FHIP1A: variants seen among roughly 807,000 people sequenced by gnomAD.
FHIP1A encodes FHF complex subunit HOOK interacting protein 1A, also known as FHF complex subunit HOOK-interacting protein 1A.
Under a neutral mutation model 88.6 loss-of-function variants are expected in FHIP1A, and 61 were observed. That is an observed-to-expected ratio of 0.69 (90% confidence interval 0.56 to 0.85). The LOEUF (loss-of-function observed/expected upper bound fraction) is 0.85, where lower values mean the gene tolerates loss of function less well. FHIP1A is among the 40% of genes least tolerant of loss of function. FHIP1A has a pLI of 0.00. For synonymous variants in FHIP1A, 478 were observed against 496.0 expected, an observed-to-expected ratio of 0.96 and a Z score of 0.48; for missense variants, 1,154 against 1,273.5, an observed-to-expected ratio of 0.91 and a Z score of 1.43.
At chr4:151,436,657 T>C (rs1362420462) in intron 1 of FHIP1A, 1 of 152,190 alleles carries the variant, frequency 6.6e-6, no homozygotes, top group African/African-American at 2.4e-5. Context: ...TTGTCTCAAA[T>C]CACCCTCTCA....
At position 151,544,686 on chromosome 4, in the gene FHIP1A, G is replaced by A. The variant is rs142577580; in HGVS notation, c.-122-21452G>A. ...TAGGTGGTAGTTGCAGTGTCTGGCT[G>A]TGTGGCCTTTCCCCTCTTCTGCCAT... On this transcript the variant is annotated intron_variant, in intron 3 of 13. Transcript: ENST00000435205. Among the ~76,000 whole-genome samples, 400 of 152,254 alleles carry A rather than the reference G, an allele frequency of 2.6e-3. 3 individuals are homozygous for A. Among genetic ancestry groups the A allele is most frequent in the South Asian group, 3.1e-3 (15 of 4,822 alleles).
intron 7 of FHIP1A, among the ~76,000 whole-genome samples, chr4:151,623,123 A>G (rs1560805277): frequency 6.6e-6 from 1 of 152,228 alleles, no homozygotes; most frequent in African/African-American, 2.4e-5. Flanking sequence ...GCATCGGCCC[A>G]TTGGACATAG....
chr4:151,436,802 C>T (rs1728221086), intron 1 of FHIP1A, among the ~76,000 whole-genome samples: 1 of 152,000 alleles, frequency 6.6e-6, no homozygotes, highest in South Asian at 2.1e-4. Context: ...TTCTAACATC[C>T]AGTAGAAATA....
At chr4:151,599,281 C>T (rs1177472769) in intron 7 of FHIP1A, among the ~76,000 whole-genome samples, 3 of 152,166 alleles carry the variant, frequency 2.0e-5, no homozygotes, top group African/African-American at 7.2e-5. Flanking sequence ...CCTTATTCAA[C>T]AAGAGCTAGT....
chr4:151,641,890 G>C (rs1458370003), intron 9 of FHIP1A, among the ~76,000 whole-genome samples: 2 of 152,188 alleles, frequency 1.3e-5, no homozygotes. Context: ...TTGCAGATCT[G>C]AGAGGCAGTA....
At position 151,656,784 on chromosome 4, in the gene FHIP1A, A is replaced by G; in HGVS notation, c.2755A>G (p.Ile919Val). Residue 919 changes from isoleucine (I) to valine (V), a missense_variant, in exon 13 of 14, where the codon ATT becomes GTT. Physicochemically the swap from Ile to Val is conservative, Grantham distance 29 (BLOSUM62 3). Transcript: ENST00000435205. The surrounding 1 kb of genome is among the most constrained non-coding windows in gnomAD (Gnocchi z 4.2). ...GGTCCTTGCATCTGTGAAAAACAAG[A>G]TTGAACAGTTTGCTTCTGTGGAGAG... Reference protein sequence around the residue: ...YQVLASVKNKIEQFASVERDF... With the variant: ...YQVLASVKNKVEQFASVERDF... 1 of 1,551,624 alleles carries G rather than the reference A, an allele frequency of 6.4e-7. No individual in the cohort carries two copies. Among genetic ancestry groups the G allele is most frequent in the Non-Finnish European group, 8.7e-7 (1 of 1,146,954 alleles).
intron 3 of FHIP1A, among the ~76,000 whole-genome samples, chr4:151,564,015 A>AAAC (rs1329530330): frequency 6.6e-6 from 1 of 151,900 alleles, no homozygotes; most frequent in African/African-American, 2.4e-5. Context: ...AACAACCAAC[A>AAAC]AACAACAACA....
chr4:151,422,144 C>G (rs1013382532), intron 1 of FHIP1A, among the ~76,000 whole-genome samples: 1 of 150,942 alleles, frequency 6.6e-6, no homozygotes, highest in Non-Finnish European at 1.5e-5. Flanking sequence ...GTAATAAGAT[C>G]CTCAAGTAAA....
At position 151,513,097 on chromosome 4, in the gene FHIP1A, G is replaced by A. The variant is rs549038424; in HGVS notation, c.-123+30449G>A. On this transcript the variant is annotated intron_variant, in intron 3 of 13. Coordinates refer to ENST00000435205, the MANE Select transcript of FHIP1A (RefSeq NM_001109977.3). Reference sequence around the variant, plus strand: ...AAGGGAAGCCCATCAGACTAACAGCGGATCTCTCGGCAGAAACTCTACAAG... The same window carrying A: ...AAGGGAAGCCCATCAGACTAACAGCAGATCTCTCGGCAGAAACTCTACAAG... Among the ~76,000 whole-genome samples the A allele has an allele frequency of 3.4e-3, 524 of 152,074 alleles. 3 individuals carry two copies. The highest frequency in any genetic ancestry group is 0.012 in the African/African-American group (496 of 41,494).
intron 3 of FHIP1A, among the ~76,000 whole-genome samples, chr4:151,508,699 G>T (rs1730918154): frequency 6.6e-6 from 1 of 152,142 alleles, no homozygotes; most frequent in South Asian, 2.1e-4. Context: ...ACCAAAAATA[G>T]GTGACTTGGA....
chr4:151,614,396 G>A lies in FHIP1A; in HGVS notation c.979-15306G>A, dbSNP rs548116414. Among the ~76,000 whole-genome samples the A allele has an allele frequency of 2.3e-4, 34 of 150,864 alleles. 2 individuals carry two copies. The South Asian group carries it at 7.1e-3, about 32-fold the overall frequency. ...ACGTGAGAGATTTGCTTGACCCTGG[G>A]ACCTCGAGGCTACAGTAAGCGGTGA... is the stretch of plus-strand genomic sequence containing the variant. On this transcript the variant is annotated intron_variant, in intron 7 of 13. Coordinates refer to ENST00000435205, the MANE Select transcript of FHIP1A (RefSeq NM_001109977.3).
intron 1 of FHIP1A, among the ~76,000 whole-genome samples, chr4:151,433,343 T>G (rs1733665872): frequency 6.7e-6 from 1 of 149,922 alleles, no homozygotes; most frequent in African/African-American, 2.5e-5. Context: ...CCTGTGGAGG[T>G]AGGAATAGTA....
At chr4:151,524,525 G>T (rs894916935) in intron 3 of FHIP1A, among the ~76,000 whole-genome samples, 2 of 152,158 alleles carry the variant, frequency 1.3e-5, no homozygotes, top group African/African-American at 4.8e-5. Context: ...TACTCTTCAT[G>T]TGCCATTTCT....
At chr4:151,419,629 G>A in intron 1 of FHIP1A, among the ~76,000 whole-genome samples, 1 of 18,146 alleles carries the variant, frequency 5.5e-5, no homozygotes, top group South Asian at 1.6e-3. Flanking sequence ...TAGGGTACAT[G>A]TGCACATTGT....
intron 13 of FHIP1A, among the ~76,000 whole-genome samples, chr4:151,658,627 C>T (rs979794548): frequency 1.3e-5 from 2 of 152,124 alleles, no homozygotes; most frequent in African/African-American, 4.8e-5. Context: ...GACAGAGGGC[C>T]AGCGCAGATT....
intron 3 of FHIP1A, among the ~76,000 whole-genome samples, chr4:151,551,295 G>A (rs984682850): frequency 6.6e-6 from 1 of 152,168 alleles, no homozygotes; most frequent in South Asian, 2.1e-4. Context: ...TCCCTATCAA[G>A]ATACCAATGA....
At chr4:151,631,174 A>T (rs1050422183) in intron 8 of FHIP1A, among the ~76,000 whole-genome samples, 26 of 152,240 alleles carry the variant, frequency 1.7e-4, no homozygotes, top group Admixed American at 7.8e-4. Flanking sequence ...ATAGAAAATT[A>T]AAAAAATGGA....
chr4:151,554,501 A>T (rs1337850119), intron 3 of FHIP1A, among the ~76,000 whole-genome samples: 1 of 152,226 alleles, frequency 6.6e-6, no homozygotes, highest in Non-Finnish European at 1.5e-5. Context: ...GATGTAGTTA[A>T]ACTAAAAGGT....
intron 1 of FHIP1A, among the ~76,000 whole-genome samples, chr4:151,446,239 G>A (rs1279456153): frequency 2.0e-5 from 3 of 152,166 alleles, no homozygotes; most frequent in South Asian, 4.1e-4. Flanking sequence ...ATCGAGATGT[G>A]ATTTATGTGT....
Sources: gnomAD v4.1 joint callset for allele counts (sites outside exome capture counted in the v4.1 genomes callset) on GRCh38, gnomAD v4.1.1 for gene constraint, Gnocchi (gnomAD v3.1) non-coding constraint, MANE v1.5 for transcripts, NCBI Gene and HGNC (gene_info 2026-07-23, HGNC 2026-07-21) for gene names.